Variants in ERCC4 observed in about 807,000 individuals in gnomAD.
The protein encoded by ERCC4 is DNA repair endonuclease XPF.
Under a neutral mutation model 76.9 loss-of-function variants are expected in ERCC4, and 65 were observed. That is an observed-to-expected ratio of 0.84 (90% CI 0.69 to 1.04). The LOEUF is 1.04. Among genes scored for constraint, ERCC4 ranks in the 50% least tolerant of loss-of-function variants. ERCC4 has a pLI of 0.00. For missense variants in ERCC4, 1,214 were observed against 1,128.2 expected (o/e 1.08, Z -1.09); for synonymous variants, 463 against 410.1 (o/e 1.13, Z -1.56).
intron 2 of ERCC4, 41 bp downstream of exon 2, chr16:13,922,252 C>CT (rs34861763): frequency 0.042 from 41,225 of 975,106 alleles, no homozygotes; most frequent in Non-Finnish European, 0.047. Context: ...TAAATTTGTA[C>CT]TTTTTTTTTT....
At position 13,950,244 on chromosome 16, in the gene ERCC4, A is replaced by C. The variant is rs886051672; in HGVS notation, c.*1897A>C. ...CCAAAGTGCTGAGATAACAGGCGTG[A>C]GCCACCGCACCCACCCAACAAAATT... On this transcript the variant is annotated 3_prime_UTR_variant, in exon 11 of 11. Transcript: ENST00000311895. 1 of 189,966 alleles carries C rather than the reference A, an allele frequency of 5.3e-6. No homozygotes were observed. Among genetic ancestry groups the C allele is most frequent in the Non-Finnish European group, 1.1e-5 (1 of 90,542 alleles). The allele number at this position is 189,966 out of a possible 1,614,324, so 11.8% of individuals were successfully genotyped here.
At position 13,947,797 on chromosome 16, in the gene ERCC4, G is replaced by C. The variant is rs2141620142; in HGVS notation, c.2201G>C (p.Gly734Ala). The C allele has an allele frequency of 6.2e-7, 1 of 1,614,214 alleles. No individual in the cohort carries two copies. The highest frequency in any genetic ancestry group is 8.5e-7 in the Non-Finnish European group (1 of 1,180,038). Reference sequence around the variant, plus strand: ...CGCAAGAGTATCAGTGATTTAATCGGCTCTTTAAATAACGGCCGCCTCTAC... The same window carrying C: ...CGCAAGAGTATCAGTGATTTAATCGCCTCTTTAAATAACGGCCGCCTCTAC... ...VERKSISDLI[G>A]SLNNGRLYSQ... is the part of the protein sequence containing the mutation. The change falls in exon 11 of 11, where the codon GGC (glycine) becomes GCC (alanine). Residue 734 changes from glycine to alanine, a missense_variant. Gly to Ala is a moderately conservative substitution (Grantham distance 60, BLOSUM62 0). Transcript: ENST00000311895.
chr16:13,922,503 G>A (rs761595914), intron 2 of ERCC4: 16 of 745,504 alleles, frequency 2.1e-5, no homozygotes, highest in African/African-American at 1.5e-4. Context: ...CATAGGCGTC[G>A]AAGATGCTCG....
chr16:13,951,728 C>G lies in ERCC4; in HGVS notation c.*3381C>G, dbSNP rs1013490553. 1 of 220,718 alleles carries G rather than the reference C, an allele frequency of 4.5e-6. No homozygotes were observed. Among genetic ancestry groups the G allele is most frequent in the Non-Finnish European group, 9.1e-6 (1 of 110,292 alleles). 13.7% of individuals were successfully genotyped at this position (220,718 alleles called of 1,614,324 possible). A position where few individuals can be genotyped will look rare whatever the true frequency, so the allele number is the denominator to read the frequency against. ...TTCAGTAGGAAAACCTACACTAAAG[C>G]AAATCCGAAGAAGTGGGGCAGGGGG... On this transcript the variant is annotated 3_prime_UTR_variant, in exon 11 of 11. Coordinates refer to ENST00000311895, the MANE Select transcript of ERCC4 (RefSeq NM_005236.3).
chr16:13,942,607 A>G (rs2032434165), intron 9 of ERCC4, among the ~76,000 whole-genome samples: 4 of 152,202 alleles, frequency 2.6e-5, no homozygotes, highest in Admixed American at 2.6e-4. Flanking sequence ...AAGTTTTTAA[A>G]TTATTATCCT....
At position 13,928,126 on chromosome 16, in the gene ERCC4, C is replaced by G. The variant is rs749895744; in HGVS notation, c.683C>G (p.Ala228Gly). 6.2e-7 allele frequency: 1 copy of G among 1,612,414 alleles called. No homozygotes were observed. The highest frequency in any genetic ancestry group is 1.1e-5 in the South Asian group (1 of 91,052). The stretch of plus-strand genomic sequence containing the variant: ...CCTACCATGCTTGCTATACAGACTG[C>G]TATACTGGACATTTTAAATGCATGT... ...MTPTMLAIQT[A>G]ILDILNACLK... Residue 228 changes from alanine (A) to glycine (G), a missense_variant, in exon 4 of 11, where the codon GCT (alanine) becomes GGT (glycine). Physicochemically the swap from Ala to Gly is moderately conservative, Grantham distance 60. Transcript: ENST00000311895.
chr16:13,920,383 G>C lies in ERCC4; in HGVS notation c.207+11G>C. ...CAGCCGGCCGAGGAGGTGCGGCCGC[G>C]CTGGCGCGGGAGTGAGGGGACTCCG... On this transcript the variant is annotated intron_variant, in intron 1 of 10. Transcript: ENST00000311895. 1.3e-6 allele frequency: 2 copies of C among 1,555,088 alleles called. No individual in the cohort carries two copies. The highest frequency in any genetic ancestry group is 3.7e-5 in the Admixed American group (2 of 53,660).
intron 4 of ERCC4, 101 bp from the exon 5 acceptor site, chr16:13,930,609 T>A (rs1421150880): frequency 3.3e-6 from 3 of 897,618 alleles, no homozygotes; most frequent in Non-Finnish European, 5.3e-6. Flanking sequence ...TTTTAACCAT[T>A]TTTAGATACA....
Position 13,949,982 on chromosome 16 carries a change from G to A in ERCC4, c.*1635G>A, listed in dbSNP as rs1466776661. The A allele has an allele frequency of 9.0e-6, 2 of 222,354 alleles. No homozygotes were observed. Among genetic ancestry groups the A allele is most frequent in the Non-Finnish European group, 1.8e-5 (2 of 111,566 alleles). The allele number at this position is 222,354 out of a possible 1,614,324, so 13.8% of individuals were successfully genotyped here. ...AATTGTCATTGTTATTTTTTTTTGA[G>A]ACAGAGTCTCCCTCTGTTGCCCAGG... On this transcript the variant is annotated 3_prime_UTR_variant, in exon 11 of 11. Coordinates refer to ENST00000311895, the MANE Select transcript of ERCC4 (RefSeq NM_005236.3).
rs1416930680 is a variant in ERCC4 at position 13,935,490 on chromosome 16, A to G, written c.1558A>G (p.Ser520Gly). The change falls in exon 8 of 11, where the codon AGT (serine) becomes GGT (glycine). Residue 520 changes from serine to glycine, a missense_variant. Ser to Gly is a moderately conservative substitution (Grantham distance 56). Transcript: ENST00000311895. The stretch of plus-strand genomic sequence containing the variant: ...GGAAGGATATCGTCGAGAAATAAGC[A>G]GTAGCCCAGAAAGCTGCCCGGAAGA... ...VEEGYRREIS[S>G]SPESCPEEIK... 2 of 1,614,206 alleles carry G rather than the reference A, an allele frequency of 1.2e-6. No individual in the cohort carries two copies. Among genetic ancestry groups the G allele is most frequent in the Admixed American group, 1.7e-5 (1 of 60,022 alleles).
chr16:13,920,496 G>A (rs2031951177), intron 1 of ERCC4, 124 bp downstream of exon 1: 2 of 884,688 alleles, frequency 2.3e-6, no homozygotes, highest in Non-Finnish European at 1.8e-6. Context: ...GACACTACGC[G>A]ATGACACAGA....
chr16:13,938,039 C>G (rs1183715178), intron 9 of ERCC4, among the ~76,000 whole-genome samples, 181 bp downstream of exon 9: 2 of 82,288 alleles, frequency 2.4e-5, no homozygotes, highest in African/African-American at 8.9e-5. Flanking sequence ...CTTCCTTTTT[C>G]TCTTCCCCGT....
At chr16:13,932,443 G>GA in intron 6 of ERCC4, 158 bp downstream of exon 6, 1 of 682,990 alleles carries the variant, frequency 1.5e-6, no homozygotes, top group Non-Finnish European at 2.5e-6. Flanking sequence ...AATGTATGTT[G>GA]AAAGTATATA....
At chr16:13,928,257 A>G (rs757874529) in intron 4 of ERCC4, 22 bp downstream of exon 4, 1 of 1,465,596 alleles carries the variant, frequency 6.8e-7, no homozygotes. Flanking sequence ...CCTTTTAAGC[A>G]CAGTTTATTA....
Position 13,928,146 on chromosome 16 carries a change from G to T in ERCC4, c.703G>T (p.Ala235Ser). ...GACTGCTATACTGGACATTTTAAAT[G>T]CATGTCTAAAGGAACTAAAATGCCA... Reference protein sequence around the residue: ...IQTAILDILNACLKELKCHNP... With the variant: ...IQTAILDILNSCLKELKCHNP... Residue 235 changes from alanine (A) to serine (S), a missense_variant, in exon 4 of 11, where the codon GCA becomes TCA. Coordinates refer to ENST00000311895, the MANE Select transcript of ERCC4 (RefSeq NM_005236.3). 6.2e-7 allele frequency: 1 copy of T among 1,612,962 alleles called. No homozygotes were observed. The highest frequency in any genetic ancestry group is 1.7e-4 in the Middle Eastern group (1 of 6,058).
chr16:13,936,504 G>A (rs187833140), intron 8 of ERCC4, among the ~76,000 whole-genome samples: 2 of 152,288 alleles, frequency 1.3e-5, no homozygotes, highest in East Asian at 1.9e-4. Flanking sequence ...TTTTTGTACC[G>A]TGCTGTTGAT....
At chr16:13,943,209 A>G (rs1011787794) in intron 9 of ERCC4, among the ~76,000 whole-genome samples, 1 of 152,252 alleles carries the variant, frequency 6.6e-6, no homozygotes, top group African/African-American at 2.4e-5. Context: ...TGGTTGAAGA[A>G]TTGAACCCTC....
At position 13,922,658 on chromosome 16, in the gene ERCC4, T is replaced by A. The variant is rs569739102; in HGVS notation, c.388+447T>A. The A allele has an allele frequency of 2.4e-5, 12 of 492,688 alleles. 1 individual carries two copies. The highest frequency in any genetic ancestry group is 2.2e-4 in the South Asian group (11 of 49,844). The allele number at this position is 492,688 out of a possible 1,614,324, so 30.5% of individuals were successfully genotyped here. On this transcript the variant is annotated intron_variant, in intron 2 of 10. Coordinates refer to ENST00000311895, the MANE Select transcript of ERCC4 (RefSeq NM_005236.3). ...CCGCAGCCCTTTTTGGCATGACCGT[T>A]GTCCTTTCTTTTCTTTGTCATCTTG...
At chr16:13,928,967 A>T (rs2032121317) in intron 4 of ERCC4, among the ~76,000 whole-genome samples, 1 of 152,196 alleles carries the variant, frequency 6.6e-6, no homozygotes, top group Admixed American at 6.5e-5. Flanking sequence ...AAAAGGAAAA[A>T]ATTGACTTAT....
Sources: gnomAD v4.1 joint callset for allele counts (sites outside exome capture counted in the v4.1 genomes callset) on GRCh38, gnomAD v4.1.1 for gene constraint, MANE v1.5 for transcripts, NCBI Gene and HGNC (gene_info 2026-07-23, HGNC 2026-07-21) for gene names.